The following FAM227A variants were observed in gnomAD, a reference collection of about 807,000 sequenced individuals.
FAM227A encodes the protein family with sequence similarity 227 member A.
FAM227A carries 80 observed loss-of-function variants against 74.7 expected under a neutral mutation model. The observed-to-expected ratio is 1.07, with a 90% CI of 0.89 to 1.29. The LOEUF is 1.29. Among genes scored for constraint, FAM227A ranks in the 50% most tolerant of loss-of-function variants. The pLI is 0.00. For synonymous variants in FAM227A, 237 were observed against 241.8 expected, an observed-to-expected ratio of 0.98 and a Z score of 0.19; for missense variants, 654 against 683.4, an observed-to-expected ratio of 0.96 and a Z score of 0.48.
Position 38,648,692 on chromosome 22 carries a change from G to A in FAM227A, c.142+1335C>T, listed in dbSNP as rs180881330. 4.6e-5 allele frequency among the ~76,000 whole-genome samples: 7 copies of A among 151,538 alleles called. No individual in the cohort carries two copies. In the East Asian group the frequency reaches 5.8e-4, roughly 13 times the overall value. On this transcript the variant is annotated intron_variant, in intron 2 of 16. Transcript: ENST00000535113. ...AACCTGATTTAAAAATGGGCTAAAG[G>A]TTGGGTGCGGTGGCTCACGCCTGTA... is the stretch of plus-strand genomic sequence containing the variant.
chr22:38,621,558 T>C lies in FAM227A; in HGVS notation c.959-1267A>G, dbSNP rs565869069. Among the ~76,000 whole-genome samples, 22 of 152,050 alleles carry C rather than the reference T, an allele frequency of 1.4e-4. No individual in the cohort carries two copies. The East Asian group carries it at 2.9e-3, about 20-fold the overall frequency. ...AGGTGGAGGTTGCAGTGAGCTGAGA[T>C]TGCGCCATTGCACTCCAGCCTGGGC... On this transcript the variant is annotated intron_variant, in intron 10 of 16. Transcript: ENST00000535113.
At chr22:38,606,153 C>G (rs370205080) in intron 12 of FAM227A, among the ~76,000 whole-genome samples, 1 of 152,038 alleles carries the variant, frequency 6.6e-6, no homozygotes, top group African/African-American at 2.4e-5. Context: ...TGGAATTATC[C>G]AATCCAGCCA....
At chr22:38,604,090 GC>G (rs1004530111) in intron 13 of FAM227A, among the ~76,000 whole-genome samples, 34 of 152,232 alleles carry the variant, frequency 2.2e-4, no homozygotes, top group African/African-American at 8.2e-4. Context: ...ACTTTGGGAG[GC>G]CGAAGGGGGC....
intron 1 of FAM227A, among the ~76,000 whole-genome samples, chr22:38,653,350 G>C (rs1171197328): frequency 2.0e-5 from 3 of 150,238 alleles, no homozygotes; most frequent in African/African-American, 7.3e-5. Flanking sequence ...AATAACAGTA[G>C]AAATAAAGTG....
intron 6 of FAM227A, among the ~76,000 whole-genome samples, chr22:38,631,529 G>T (rs1357603493): frequency 6.6e-6 from 1 of 152,096 alleles, no homozygotes; most frequent in Non-Finnish European, 1.5e-5. Flanking sequence ...GTACCCTCGA[G>T]TCAAAAATAA....
At position 38,637,306 on chromosome 22, in the gene FAM227A, T is replaced by C. The variant is rs181705333; in HGVS notation, c.373-709A>G. 3.5e-3 allele frequency among the ~76,000 whole-genome samples: 535 copies of C among 152,348 alleles called. 2 individuals are homozygous for C. Among genetic ancestry groups the C allele is most frequent in the African/African-American group, 0.013 (521 of 41,576 alleles). On this transcript the variant is annotated intron_variant, in intron 5 of 16. Transcript: ENST00000535113. ...TGCTATAATTTAATTAACTACTCAC[T>C]GATTACTTCCAATTACTACTAATAT...
At position 38,580,588 on chromosome 22, in the gene FAM227A, A is replaced by G. The variant is rs1213507957; in HGVS notation, c.*5537T>C. ...TCATTAGGGGTTTCAAAATGGTGAT[A>G]TTTTAAGTCTATCATTATTTCTGAA... On this transcript the variant is annotated 3_prime_UTR_variant, in exon 17 of 17. Coordinates refer to ENST00000535113, the MANE Select transcript of FAM227A (RefSeq NM_001013647.2). 6.6e-6 allele frequency: 1 copy of G among 152,166 alleles called. No individual in the cohort carries two copies. The highest frequency in any genetic ancestry group is 1.5e-5 in the Non-Finnish European group (1 of 68,032). The allele number at this position is 152,166 out of a possible 1,614,324, so 9.4% of individuals were successfully genotyped here.
In FAM227A at chr22:38,638,840, AAG is replaced by A; in HGVS notation, c.296-20_296-19del. 1.3e-6 allele frequency: 2 copies of A among 1,505,014 alleles called. No homozygotes were observed. Among genetic ancestry groups the A allele is most frequent in the Non-Finnish European group, 1.8e-6 (2 of 1,118,996 alleles). 93.2% of individuals were successfully genotyped at this position (1,505,014 alleles called of 1,614,324 possible). A position where few individuals can be genotyped will look rare whatever the true frequency, so the allele number is the denominator to read the frequency against. On this transcript the variant is annotated intron_variant, in intron 4 of 16. Coordinates refer to ENST00000535113, the MANE Select transcript of FAM227A (RefSeq NM_001013647.2). Reference sequence around the variant, plus strand: ...TCTCTTGACTGCAGAAAAATGGAGAAAGAGATAAATGAGTAACCACAGGGTCT... The same window carrying A: ...TCTCTTGACTGCAGAAAAATGGAGAAAGATAAATGAGTAACCACAGGGTCT...
In FAM227A at chr22:38,626,446, C is replaced by T. The variant is rs2091802409; in HGVS notation, c.727-143G>A. 1.7e-5 allele frequency: 18 copies of T among 1,076,200 alleles called. 1 individual carries two copies. The South Asian group carries it at 3.2e-4, about 19-fold the overall frequency. The allele number at this position is 1,076,200 out of a possible 1,614,324, so 66.7% of individuals were successfully genotyped here. Reference sequence around the variant, plus strand: ...GAGACAAGGTTCTCACTGTGTTACCCAGGCTGGATTTGAACTCCTGGCTGA... The same window carrying T: ...GAGACAAGGTTCTCACTGTGTTACCTAGGCTGGATTTGAACTCCTGGCTGA... On this transcript the variant is annotated intron_variant, in intron 8 of 16. Coordinates refer to ENST00000535113, the MANE Select transcript of FAM227A (RefSeq NM_001013647.2).
chr22:38,605,496 A>G (rs556612350), intron 12 of FAM227A, 148 bp from the exon 13 acceptor site: 91 of 594,234 alleles, frequency 1.5e-4, no homozygotes, highest in South Asian at 1.4e-3. Flanking sequence ...CGCCATGTTG[A>G]CCAAGCTGGT....
intron 9 of FAM227A, among the ~76,000 whole-genome samples, chr22:38,624,389 C>CAA (rs796578074): frequency 9.1e-4 from 125 of 137,038 alleles, no homozygotes; most frequent in African/African-American, 2.9e-3. Context: ...AACTCCATCT[C>CAA]AAAAAAAAAA....
At chr22:38,598,319 T>C (rs142395702) in intron 14 of FAM227A, among the ~76,000 whole-genome samples, 2 of 152,322 alleles carry the variant, frequency 1.3e-5, no homozygotes, top group African/African-American at 4.8e-5. Flanking sequence ...ACTATCCAAA[T>C]TTTAGGAATG....
intron 11 of FAM227A, among the ~76,000 whole-genome samples, chr22:38,616,531 T>TGGTGCAAGCCTGTA (rs1273093585): frequency 3.9e-5 from 6 of 152,018 alleles, no homozygotes; most frequent in Admixed American, 1.3e-4. Context: ...CTGGGCATGG[T>TGGTGCAAGCCTGTA]GGTGCAAGCC....
chr22:38,613,311 A>ATATAT (rs1569207567), intron 11 of FAM227A, among the ~76,000 whole-genome samples: 19 of 62,098 alleles, frequency 3.1e-4, no homozygotes, highest in African/African-American at 1.5e-3. Flanking sequence ...ATAATATATA[A>ATATAT]CATATAATAT....
intron 16 of FAM227A, 126 bp from the exon 17 acceptor site, chr22:38,586,325 G>A (rs1009230047): frequency 1.8e-5 from 19 of 1,041,458 alleles, no homozygotes; most frequent in Non-Finnish European, 2.6e-5. Flanking sequence ...TTGAGGGCGT[G>A]CTCCTGCCTC....
chr22:38,650,176 T>G lies in FAM227A; in HGVS notation c.-8A>C. 1 of 1,551,264 alleles carries G rather than the reference T, an allele frequency of 6.4e-7. No homozygotes were observed. The highest frequency in any genetic ancestry group is 8.7e-7 in the Non-Finnish European group (1 of 1,146,822). Reference sequence around the variant, plus strand: ...CTTCCTGAAGTGATTCATTGTCCAATTTCTTGTAAATGGACAAACAAAAAG... The same window carrying G: ...CTTCCTGAAGTGATTCATTGTCCAAGTTCTTGTAAATGGACAAACAAAAAG... On this transcript the variant is annotated 5_prime_UTR_variant, in exon 2 of 17. Coordinates refer to ENST00000535113, the MANE Select transcript of FAM227A (RefSeq NM_001013647.2).
intron 13 of FAM227A, among the ~76,000 whole-genome samples, chr22:38,600,522 G>A (rs1053934051): frequency 6.6e-6 from 1 of 151,442 alleles, no homozygotes; most frequent in African/African-American, 2.4e-5. Flanking sequence ...ATTTTTAGTA[G>A]AGACAGGGTT....
chr22:38,627,596 G>GTT (rs578018879), intron 8 of FAM227A, among the ~76,000 whole-genome samples: 2 of 147,504 alleles, frequency 1.4e-5, no homozygotes, highest in African/African-American at 5.0e-5. Context: ...GAAAGGGAAA[G>GTT]TTTTTTTTTT....
intron 15 of FAM227A, among the ~76,000 whole-genome samples, chr22:38,594,393 T>C (rs997923452): frequency 1.3e-5 from 2 of 152,212 alleles, no homozygotes; most frequent in African/African-American, 4.8e-5. Context: ...TCCACATCTG[T>C]AAAATGGGGA....
Sources: gnomAD v4.1 joint callset for allele counts (sites outside exome capture counted in the v4.1 genomes callset) on GRCh38, gnomAD v4.1.1 for gene constraint, MANE v1.5 for transcripts, NCBI Gene and HGNC (gene_info 2026-07-23, HGNC 2026-07-21) for gene names.